Variants in WDFY4 observed in about 807,000 individuals in gnomAD.
The protein encoded by WDFY4 is WD repeat- and FYVE domain-containing protein 4.
In WDFY4, 169 loss-of-function variants were observed where a neutral mutation model predicts 351.9. The ratio of observed to expected loss-of-function variants is 0.48; its 90% CI spans 0.42 to 0.55. The LOEUF (loss-of-function observed/expected upper bound fraction) is 0.55. Ranked by LOEUF, WDFY4 falls within the 20% of genes least tolerant of loss-of-function variation. WDFY4 has a pLI of 0.00. For synonymous variants in WDFY4, 1,622 were observed against 1,574.6 expected (o/e 1.03, Z -0.71); for missense variants, 3,803 against 3,935.6 (o/e 0.97, Z 0.90).
intron 39 of WDFY4, among the ~76,000 whole-genome samples, chr10:48,844,579 C>A (rs538926421): frequency 8.5e-4 from 129 of 152,032 alleles, no homozygotes; most frequent in African/African-American, 3.1e-3. Context: ...GTGACAACAG[C>A]AAAACTCCTT....
chr10:48,791,966 G>A (rs956425765), intron 23 of WDFY4, among the ~76,000 whole-genome samples: 1 of 152,106 alleles, frequency 6.6e-6, no homozygotes, highest in African/African-American at 2.4e-5. Flanking sequence ...ATCTGGTGGT[G>A]TCCCTCCTGT....
intron 49 of WDFY4, among the ~76,000 whole-genome samples, chr10:48,944,536 A>G (rs374919687): frequency 6.6e-6 from 1 of 152,238 alleles, no homozygotes; most frequent in African/African-American, 2.4e-5. Context: ...ACTTGTTCAG[A>G]TGAGCCTGGC....
intron 39 of WDFY4, among the ~76,000 whole-genome samples, chr10:48,864,518 T>G (rs566435523): frequency 3.3e-5 from 5 of 152,338 alleles, no homozygotes; most frequent in African/African-American, 9.6e-5. Flanking sequence ...GAGCTGTAAG[T>G]CTTTCTACAT....
chr10:48,757,665 C>G (rs1050295332), intron 12 of WDFY4, among the ~76,000 whole-genome samples: 2 of 151,334 alleles, frequency 1.3e-5, no homozygotes, highest in African/African-American at 4.9e-5. Flanking sequence ...TTTTGTTCCT[C>G]TACTTCTGTT....
At chr10:48,915,423 T>TG (rs1308376853) in intron 47 of WDFY4, among the ~76,000 whole-genome samples, 1 of 151,258 alleles carries the variant, frequency 6.6e-6, no homozygotes, top group African/African-American at 2.4e-5. Context: ...GCTGATTTTT[T>TG]TTTTTGGACC....
At chr10:48,931,480 G>A (rs1288195306) in intron 47 of WDFY4, among the ~76,000 whole-genome samples, 5 of 152,182 alleles carry the variant, frequency 3.3e-5, no homozygotes, top group African/African-American at 7.2e-5. Flanking sequence ...TAAACAACAC[G>A]TGGCCTGTTG....
At chr10:48,838,697 C>T (rs1175215028) in intron 39 of WDFY4, among the ~76,000 whole-genome samples, 1 of 152,226 alleles carries the variant, frequency 6.6e-6, no homozygotes, top group Non-Finnish European at 1.5e-5. Flanking sequence ...CTCCTTATGA[C>T]TTCCCACTTC....
chr10:48,839,350 T>A (rs1185475189), intron 39 of WDFY4, among the ~76,000 whole-genome samples: 1 of 152,258 alleles, frequency 6.6e-6, no homozygotes, highest in African/African-American at 2.4e-5. Flanking sequence ...ATTCAGAAGG[T>A]CATCGTGTGA....
chr10:48,852,754 T>A (rs1233366407), intron 39 of WDFY4, among the ~76,000 whole-genome samples: 2 of 152,172 alleles, frequency 1.3e-5, no homozygotes, highest in Non-Finnish European at 2.9e-5. Flanking sequence ...TCTCCCGTCC[T>A]CATCACTCAA....
chr10:48,981,146 C>T (rs1842787835), intron 60 of WDFY4, among the ~76,000 whole-genome samples: 1 of 152,218 alleles, frequency 6.6e-6, no homozygotes, highest in Non-Finnish European at 1.5e-5. Flanking sequence ...GATACCGAGG[C>T]ACGTCAGCAC....
At chr10:48,927,902 A>T (rs61848099) in intron 47 of WDFY4, among the ~76,000 whole-genome samples, 24,464 of 152,232 alleles carry the variant, frequency 0.16, 2,162 homozygotes, top group South Asian at 0.22. Context: ...AAAATAAAAT[A>T]TTAAGATGAT....
intron 47 of WDFY4, among the ~76,000 whole-genome samples, chr10:48,930,105 A>C (rs2671705): frequency 0.91 from 138,928 of 152,104 alleles, 64,414 homozygotes; most frequent in East Asian, 1. Flanking sequence ...GCCCTTGGTC[A>C]ATACTAGTTT....
intron 47 of WDFY4, among the ~76,000 whole-genome samples, chr10:48,940,464 A>G (rs1404350448): frequency 6.6e-6 from 1 of 152,208 alleles, no homozygotes; most frequent in African/African-American, 2.4e-5. Flanking sequence ...AGAAGATGTG[A>G]CGGTGGGGCT....
At chr10:48,952,782 C>T (rs966733910) in intron 51 of WDFY4, among the ~76,000 whole-genome samples, 2 of 152,192 alleles carry the variant, frequency 1.3e-5, no homozygotes, top group African/African-American at 2.4e-5. Context: ...GGGGTCATCC[C>T]GTCCTCTGTG....
rs549245739 is a variant in WDFY4, at chr10:48,803,519, C to G, written c.4484+160C>G. Among the ~76,000 whole-genome samples the G allele has an allele frequency of 1.1e-4, 16 of 152,218 alleles. No individual in the cohort carries two copies. The East Asian group carries it at 1.9e-3, about 18-fold the overall frequency. ...TGGCTCATGCTTGTGGGGCAGTCTC[C>G]TCTCATGGTCTCGGGCCTCAGGAGG... is the stretch of plus-strand genomic sequence containing the variant. On this transcript the variant is annotated intron_variant, in intron 25 of 61. Transcript: ENST00000325239.
intron 35 of WDFY4, chr10:48,823,742 G>C: frequency 1.0e-6 from 1 of 991,856 alleles, no homozygotes; most frequent in Non-Finnish European, 1.2e-6. Context: ...GCCAGTGGGG[G>C]CCACCGTGCT....
chr10:48,919,342 A>G (rs752326495), intron 47 of WDFY4, among the ~76,000 whole-genome samples: 3 of 152,238 alleles, frequency 2.0e-5, no homozygotes, highest in Non-Finnish European at 4.4e-5. Flanking sequence ...TTTGCGAAGG[A>G]ATGAAAACCC....
intron 23 of WDFY4, among the ~76,000 whole-genome samples, chr10:48,795,099 C>T (rs2066812061): frequency 6.6e-6 from 1 of 152,068 alleles, no homozygotes; most frequent in Non-Finnish European, 1.5e-5. Context: ...GAGCAGTGTC[C>T]TTGAGATGGT....
chr10:48,731,209 G>A lies in WDFY4; in HGVS notation c.1229G>A (p.Arg410Lys), dbSNP rs1277330810. 1 of 1,551,834 alleles carries A rather than the reference G, an allele frequency of 6.4e-7. No homozygotes were observed. The highest frequency in any genetic ancestry group is 1.2e-5 in the South Asian group (1 of 84,058). Residue 410 changes from arginine (R) to lysine (K), a missense_variant, in exon 9 of 62, where the codon AGG (arginine) becomes AAG (lysine). Arg to Lys is a conservative substitution (Grantham distance 26). Around this residue, in one of 3 missense-constraint regions of WDFY4, gnomAD observed 261 missense variants for 330.2 expected, o/e 0.79. Transcript: ENST00000325239. ...TGCATACAAGTCTTGTCAGTCATCA[G>A]GACCATGTGGGCCTGGAATGCTCGA... ...VLCIQVLSVIRTMWAWNARNF... is the reference protein window; with the variant it reads ...VLCIQVLSVIKTMWAWNARNF...
Sources: allele counts gnomAD v4.1 joint callset (sites outside exome capture counted in the v4.1 genomes callset), GRCh38; gene constraint gnomAD v4.1.1; regional missense constraint gnomAD v4.1.1; transcripts MANE v1.5; gene names NCBI Gene and HGNC (gene_info 2026-07-23, HGNC 2026-07-21).